Variants in ZNF628 observed in about 807,000 individuals in gnomAD.
ZNF628 encodes zinc finger protein 628.
In ZNF628, 3 loss-of-function variants were observed where a neutral mutation model predicts 2.5. The ratio of observed to expected loss-of-function variants is 1.19; its 90% CI spans 0.54 to 3.07. The LOEUF (loss-of-function observed/expected upper bound fraction) is 3.07. ZNF628 is among the 30% of genes most tolerant of loss of function. The pLI is 0.03. For missense variants in ZNF628, 1,610 were observed against 1,517.1 expected, an observed-to-expected ratio of 1.06 and a Z score of -1.02; for synonymous variants, 861 against 717.1, an observed-to-expected ratio of 1.20 and a Z score of -3.21.
Position 55,481,688 on chromosome 19 carries a change from C to A in ZNF628, c.495C>A (p.Arg165=), listed in dbSNP as rs753630702. The change falls in exon 3 of 3, where the codon CGC becomes CGA. Residue 165 remains arginine, a synonymous_variant. Coordinates refer to ENST00000598519, the MANE Select transcript of ZNF628 (RefSeq NM_033113.3). ...TCAAGAACTCGTCCAGCCTGCGGCG[C>A]CACCGCCACGTGCACACCGGCGAGC... The part of the protein sequence containing the change: ...KAFKNSSSLR[R]HRHVHTGERP... The A allele has an allele frequency of 2.5e-6, 4 of 1,613,192 alleles. No individual in the cohort carries two copies. Among genetic ancestry groups the A allele is most frequent in the Admixed American group, 3.3e-5 (2 of 59,974 alleles).
rs113592428 is a variant in ZNF628, at chr19:55,483,131, G to A, written c.1938G>A (p.Pro646=). 6.3e-6 allele frequency: 10 copies of A among 1,587,690 alleles called. No individual in the cohort carries two copies. The highest frequency in any genetic ancestry group is 4.5e-5 in the East Asian group (2 of 44,004). Residue 646 remains proline, a synonymous_variant, in exon 3 of 3, where the codon CCG becomes CCA. Coordinates refer to ENST00000598519, the MANE Select transcript of ZNF628 (RefSeq NM_033113.3). ...YLQRHLRTHA[P]ANTPPSTTAP... is the part of the protein sequence containing the mutation. ...AGCGGCACCTGAGGACGCACGCCCC[G>A]GCCAACACGCCTCCCAGCACCACAG... is the stretch of plus-strand genomic sequence containing the variant.
chr19:55,481,532 G>A lies in ZNF628; in HGVS notation c.339G>A (p.Val113=), dbSNP rs147923255. 1.9e-3 allele frequency: 3,100 copies of A among 1,613,258 alleles called. 45 individuals are homozygous for A. The African/African-American group carries it at 0.031, about 16-fold the overall frequency. The change falls in exon 3 of 3, where the codon GTG becomes GTA. Residue 113 remains valine, a synonymous_variant. Transcript: ENST00000598519. ...RSSLLQIHRS[V]HTGLRAFICG... is the part of the protein sequence containing the mutation. ...CTCTGCTGCAGATCCACCGTAGCGT[G>A]CACACCGGCCTGCGGGCCTTCATCT...
Position 55,484,411 on chromosome 19 carries a change from C to T in ZNF628, c.*38C>T, listed in dbSNP as rs1348991442. On this transcript the variant is annotated 3_prime_UTR_variant, in exon 3 of 3. Transcript: ENST00000598519. ...ATTCCCCTCCCGCCCCGCACAGAGA[C>T]CCCGACTCACTGCCAGCCGGGGCGG... The T allele has an allele frequency of 7.1e-7, 1 of 1,416,490 alleles. No individual in the cohort carries two copies. Among genetic ancestry groups the T allele is most frequent in the Non-Finnish European group, 9.3e-7 (1 of 1,080,174 alleles). 87.7% of individuals were successfully genotyped at this position (1,416,490 alleles called of 1,614,324 possible).
Position 55,483,573 on chromosome 19 carries a change from G to C in ZNF628, c.2380G>C (p.Gly794Arg). Residue 794 changes from glycine (G) to arginine (R), a missense_variant, in exon 3 of 3, where the codon GGG becomes CGG. Physicochemically the swap from Gly to Arg is moderately radical, Grantham distance 125. Around this residue, in one of 5 missense-constraint regions of ZNF628, gnomAD observed 712 missense variants for 603.6 expected, o/e 1.18. Transcript: ENST00000598519. Reference sequence around the variant, plus strand: ...GGGAGCGGCCAGCGCTGGGGCCAGCGGGACAGGGCAGAGCCTCATCGTTCT... The same window carrying C: ...GGGAGCGGCCAGCGCTGGGGCCAGCCGGACAGGGCAGAGCCTCATCGTTCT... ...VQGAASAGAS[G>R]TGQSLIVLQN... 6.2e-7 allele frequency: 1 copy of C among 1,605,702 alleles called. No individual in the cohort carries two copies. The highest frequency in any genetic ancestry group is 8.5e-7 in the Non-Finnish European group (1 of 1,175,022).
rs1341147671 is a variant in ZNF628 at position 55,482,512 on chromosome 19, C to T, written c.1319C>T (p.Pro440Leu). The T allele has an allele frequency of 2.7e-6, 4 of 1,462,214 alleles. No individual in the cohort carries two copies. Among genetic ancestry groups the T allele is most frequent in the Non-Finnish European group, 2.7e-6 (3 of 1,107,124 alleles). The allele number at this position is 1,462,214 out of a possible 1,614,324, so 90.6% of individuals were successfully genotyped here. A position where few individuals can be genotyped will look rare whatever the true frequency, so the allele number is the denominator to read the frequency against. Residue 440 changes from proline to leucine, a missense_variant, in exon 3 of 3, where the codon CCG becomes CTG. By Grantham distance (98) the Pro-to-Leu change is moderately conservative (BLOSUM62 -3). Around this residue, in one of 5 missense-constraint regions of ZNF628, gnomAD observed 651 missense variants for 575.6 expected, o/e 1.13. Coordinates refer to ENST00000598519, the MANE Select transcript of ZNF628 (RefSeq NM_033113.3). ...CCGCTGGCGCCTGCCGCCCCCGTCCCGCCGCCACCCCCGTCCGCCCCCGCT... is the reference window on the plus strand; with the variant it reads ...CCGCTGGCGCCTGCCGCCCCCGTCCTGCCGCCACCCCCGTCCGCCCCCGCT... Reference protein sequence around the residue: ...QEPLAPAAPVPPPPPSAPASA... With the variant: ...QEPLAPAAPVLPPPPSAPASA...
At chr19:55,477,849 GCA>G (rs1986598405) in intron 1 of ZNF628, among the ~76,000 whole-genome samples, 2 of 152,102 alleles carry the variant, frequency 1.3e-5, no homozygotes, top group African/African-American at 4.8e-5. Context: ...TGTTTACTGC[GCA>G]CACACTCTGC....
Position 55,483,561 on chromosome 19 carries a change from G to C in ZNF628, c.2368G>C (p.Ala790Pro). 6.3e-7 allele frequency: 1 copy of C among 1,599,366 alleles called. No homozygotes were observed. Among genetic ancestry groups the C allele is most frequent in the Non-Finnish European group, 8.5e-7 (1 of 1,171,808 alleles). ...TCTAGGGGTGCAGGGAGCGGCCAGCGCTGGGGCCAGCGGGACAGGGCAGAG... is the reference window on the plus strand; with the variant it reads ...TCTAGGGGTGCAGGGAGCGGCCAGCCCTGGGGCCAGCGGGACAGGGCAGAG... Reference protein sequence around the residue: ...GGLGVQGAASAGASGTGQSLI... With the variant: ...GGLGVQGAASPGASGTGQSLI... Residue 790 changes from alanine (A) to proline (P), a missense_variant, in exon 3 of 3, where the codon GCT (alanine) becomes CCT (proline). Ala to Pro is a conservative substitution (Grantham distance 27, BLOSUM62 -1). Coordinates refer to ENST00000598519, the MANE Select transcript of ZNF628 (RefSeq NM_033113.3).
Position 55,483,585 on chromosome 19 carries a change from A to G in ZNF628, c.2392A>G (p.Ser798Gly). Residue 798 changes from serine (S) to glycine (G), a missense_variant, in exon 3 of 3, where the codon AGC (serine) becomes GGC (glycine). Around this residue, in one of 5 missense-constraint regions of ZNF628, gnomAD observed 712 missense variants for 603.6 expected, o/e 1.18. Transcript: ENST00000598519. ...CGCTGGGGCCAGCGGGACAGGGCAG[A>G]GCCTCATCGTTCTGCAGAATGTGGG... ...ASAGASGTGQ[S>G]LIVLQNVGGG... The G allele has an allele frequency of 6.2e-7, 1 of 1,611,416 alleles. No individual in the cohort carries two copies. Among genetic ancestry groups the G allele is most frequent in the Non-Finnish European group, 8.5e-7 (1 of 1,178,906 alleles).
rs1386295592 is a variant in ZNF628 at position 55,482,141 on chromosome 19, C to T, written c.948C>T (p.Cys316=). 4 of 1,502,470 alleles carry T rather than the reference C, an allele frequency of 2.7e-6. No homozygotes were observed. The highest frequency in any genetic ancestry group is 2.9e-5 in the African/African-American group (2 of 68,866). 93.1% of individuals were successfully genotyped at this position (1,502,470 alleles called of 1,614,324 possible). The change falls in exon 3 of 3, where the codon TGC becomes TGT. Residue 316 remains cysteine (C), a synonymous_variant. Transcript: ENST00000598519. ...AGCTGCTCCTGGAGCACCAGCCGTG[C>T]CCCGGGCCCGATGCGGCGCCCCAGC... ...SEELLLEHQP[C]PGPDAAPQPQ...
chr19:55,479,206 A>C lies in ZNF628; in HGVS notation c.-77-628A>C, dbSNP rs1986638317. Among the ~76,000 whole-genome samples, 1 of 152,026 alleles carries C rather than the reference A, an allele frequency of 6.6e-6. No individual in the cohort carries two copies. The highest frequency in any genetic ancestry group is 6.5e-5 in the Admixed American group (1 of 15,274). On this transcript the variant is annotated intron_variant, in intron 1 of 2. Coordinates refer to ENST00000598519, the MANE Select transcript of ZNF628 (RefSeq NM_033113.3). This position sits in a 1 kb window ranked among gnomAD's most constrained non-coding sequence, Gnocchi z 5.1. The stretch of plus-strand genomic sequence containing the variant: ...GACAGGTGACGGAGGGCAGTGAGGG[A>C]GCGAGGTATCCCGGAGGCCAGGGGG...
chr19:55,482,361 A>T lies in ZNF628; in HGVS notation c.1168A>T (p.Ser390Cys). The T allele has an allele frequency of 6.9e-7, 1 of 1,439,388 alleles. No individual in the cohort carries two copies. The allele number at this position is 1,439,388 out of a possible 1,614,324, so 89.2% of individuals were successfully genotyped here. A position where few individuals can be genotyped will look rare whatever the true frequency, so the allele number is the denominator to read the frequency against. ...CGGCGGGCAAGCGTTCCGCTGCGGC[A>T]GCTGCGACGGCTCCTTCCCGCAGCT... ...AAGGQAFRCG[S>C]CDGSFPQLAS... Residue 390 changes from serine to cysteine, a missense_variant, in exon 3 of 3, where the codon AGC becomes TGC. Around this residue, in one of 5 missense-constraint regions of ZNF628, gnomAD observed 651 missense variants for 575.6 expected, o/e 1.13. Transcript: ENST00000598519.
At position 55,481,830 on chromosome 19, in the gene ZNF628, T is replaced by G; in HGVS notation, c.637T>G (p.Phe213Val). 6.3e-7 allele frequency: 1 copy of G among 1,595,752 alleles called. No individual in the cohort carries two copies. The highest frequency in any genetic ancestry group is 8.5e-7 in the Non-Finnish European group (1 of 1,172,656). The change falls in exon 3 of 3, where the codon TTC becomes GTC. Residue 213 changes from phenylalanine (F) to valine (V), a missense_variant. Transcript: ENST00000598519. ...PFRCPLCPKT[F>V]THSSNLLLHQ... ...CCGCTGCCCGCTCTGCCCCAAGACC[T>G]TCACCCACTCCTCCAACCTGCTGCT...
At chr19:55,477,294 T>C (rs1986577935) in intron 1 of ZNF628, among the ~76,000 whole-genome samples, 1 of 152,110 alleles carries the variant, frequency 6.6e-6, no homozygotes, top group Non-Finnish European at 1.5e-5. Flanking sequence ...GGATATCTCT[T>C]TTAAGGAGAT....
chr19:55,480,047 A>G (rs576193710), intron 2 of ZNF628, 130 bp downstream of exon 2: 5 of 395,646 alleles, frequency 1.3e-5, no homozygotes, highest in African/African-American at 2.1e-5. Context: ...GGTGCCTGTC[A>G]TGGCCACCTG....
In ZNF628 at chr19:55,483,097, C is replaced by T; in HGVS notation, c.1904C>T (p.Ala635Val). The T allele has an allele frequency of 6.2e-7, 1 of 1,605,822 alleles. No homozygotes were observed. The highest frequency in any genetic ancestry group is 8.5e-7 in the Non-Finnish European group (1 of 1,179,072). ...TGCGGTCGCGGCTTCGTTATGGCCG[C>T]CTATCTGCAGCGGCACCTGAGGACG... ...PICGRGFVMA[A>V]YLQRHLRTHA... Residue 635 changes from alanine (A) to valine (V), a missense_variant, in exon 3 of 3, where the codon GCC (alanine) becomes GTC (valine). Physicochemically the swap from Ala to Val is moderately conservative, Grantham distance 64 (BLOSUM62 0). Around this residue, in one of 5 missense-constraint regions of ZNF628, gnomAD observed 712 missense variants for 603.6 expected, o/e 1.18. Transcript: ENST00000598519.
Position 55,482,508 on chromosome 19 carries a change from G to GCCC in ZNF628, c.1315_1316insCCC (p.Val439delinsAlaLeu). 2 of 1,296,396 alleles carry GCCC rather than the reference G, an allele frequency of 1.5e-6. No individual in the cohort carries two copies. Among genetic ancestry groups the GCCC allele is most frequent in the Non-Finnish European group, 2.1e-6 (2 of 971,466 alleles). The allele number at this position is 1,296,396 out of a possible 1,614,324, so 80.3% of individuals were successfully genotyped here. On this transcript the variant is annotated protein_altering_variant, in exon 3 of 3. Coordinates refer to ENST00000598519, the MANE Select transcript of ZNF628 (RefSeq NM_033113.3). ...GGAACCGCTGGCGCCTGCCGCCCCC[G>GCCC]TCCCGCCGCCACCCCCGTCCGCCCC...
In ZNF628 at chr19:55,483,984, G is replaced by C. The variant is rs771657134; in HGVS notation, c.2791G>C (p.Glu931Gln). 1.9e-6 allele frequency: 3 copies of C among 1,579,608 alleles called. No individual in the cohort carries two copies. Among genetic ancestry groups the C allele is most frequent in the Admixed American group, 1.8e-5 (1 of 57,012 alleles). ...DVLFETLQTD[E>Q]GLQSVLVLSG... ...CCTCTTTGAGACACTCCAGACGGAC[G>C]AGGGCTTGCAGAGCGTGCTGGTGCT... is the stretch of plus-strand genomic sequence containing the variant. Residue 931 changes from glutamate to glutamine, a missense_variant, in exon 3 of 3, where the codon GAG becomes CAG. Glu to Gln is a conservative substitution (Grantham distance 29). Transcript: ENST00000598519.
chr19:55,481,971 C>A lies in ZNF628; in HGVS notation c.778C>A (p.Leu260Ile). The change falls in exon 3 of 3, where the codon CTC becomes ATC. Residue 260 changes from leucine (L) to isoleucine (I), a missense_variant. By Grantham distance (5) the Leu-to-Ile change is conservative (BLOSUM62 2). Around this residue, in one of 5 missense-constraint regions of ZNF628, gnomAD observed 651 missense variants for 575.6 expected, o/e 1.13. Transcript: ENST00000598519. ...FVCDAYLQRHLQPHSPPAPPA... is the reference protein window; with the variant it reads ...FVCDAYLQRHIQPHSPPAPPA... ...GTGCGACGCCTACCTGCAGCGGCACCTCCAGCCCCACAGCCCGCCCGCGCC... is the reference window on the plus strand; with the variant it reads ...GTGCGACGCCTACCTGCAGCGGCACATCCAGCCCCACAGCCCGCCCGCGCC... The A allele has an allele frequency of 2.0e-6, 3 of 1,464,830 alleles. No individual in the cohort carries two copies. The highest frequency in any genetic ancestry group is 2.7e-6 in the Non-Finnish European group (3 of 1,115,032). The allele number at this position is 1,464,830 out of a possible 1,614,324, so 90.7% of individuals were successfully genotyped here. A position where few individuals can be genotyped will look rare whatever the true frequency, so the allele number is the denominator to read the frequency against.
Position 55,482,406 on chromosome 19 carries a change from C to G in ZNF628, c.1213C>G (p.Gln405Glu). 1 of 1,395,332 alleles carries G rather than the reference C, an allele frequency of 7.2e-7. No individual in the cohort carries two copies. Among genetic ancestry groups the G allele is most frequent in the Non-Finnish European group, 9.3e-7 (1 of 1,079,052 alleles). 86.4% of individuals were successfully genotyped at this position (1,395,332 alleles called of 1,614,324 possible). A position where few individuals can be genotyped will look rare whatever the true frequency, so the allele number is the denominator to read the frequency against. Residue 405 changes from glutamine (Q) to glutamate (E), a missense_variant, in exon 3 of 3, where the codon CAG becomes GAG. Around this residue, in one of 5 missense-constraint regions of ZNF628, gnomAD observed 651 missense variants for 575.6 expected, o/e 1.13. Transcript: ENST00000598519. ...FPQLASLLAH[Q>E]QCHVEEAAAG... ...GCAGCTGGCCAGCCTCCTGGCGCAT[C>G]AGCAGTGCCACGTGGAAGAGGCCGC...
Sources: gnomAD v4.1 joint callset for allele counts (sites outside exome capture counted in the v4.1 genomes callset) on GRCh38, gnomAD v4.1.1 for gene constraint, gnomAD v4.1.1 regional missense constraint, Gnocchi (gnomAD v3.1) non-coding constraint, MANE v1.5 for transcripts, NCBI Gene and HGNC (gene_info 2026-07-23, HGNC 2026-07-21) for gene names.